The following KIAA2012 variants were observed in gnomAD, a reference collection of about 807,000 sequenced individuals.
KIAA2012 encodes uncharacterized protein KIAA2012.
KIAA2012 carries 125 observed loss-of-function variants against 150.6 expected under a neutral mutation model. The ratio of observed to expected loss-of-function variants is 0.83; its 90% CI spans 0.72 to 0.96. KIAA2012 has a LOEUF of 0.96. Ranked by LOEUF, KIAA2012 falls within the 40% of genes least tolerant of loss-of-function variation. The pLI, the probability that KIAA2012 is intolerant of heterozygous loss-of-function variation, is 0.00. For missense variants in KIAA2012, 1,219 were observed against 1,354.9 expected, an observed-to-expected ratio of 0.90 and a Z score of 1.57; for synonymous variants, 462 against 504.7, an observed-to-expected ratio of 0.92 and a Z score of 1.13.
chr2:202,164,528 G>A (rs1327229478), intron 14 of KIAA2012, among the ~76,000 whole-genome samples: 1 of 152,196 alleles, frequency 6.6e-6, no homozygotes, highest in Non-Finnish European at 1.5e-5. Context: ...GATCAAATGT[G>A]ATAAGAAACC....
At chr2:202,194,755 TTTTG>T (rs1431514103) in intron 21 of KIAA2012, among the ~76,000 whole-genome samples, 9 of 152,166 alleles carry the variant, frequency 5.9e-5, no homozygotes, top group Non-Finnish European at 1.2e-4. Flanking sequence ...ATTATTAGTT[TTTTG>T]TTTGTTTGTT....
chr2:202,109,288 C>T (rs1170564513), intron 9 of KIAA2012, among the ~76,000 whole-genome samples: 1 of 152,166 alleles, frequency 6.6e-6, no homozygotes, highest in Non-Finnish European at 1.5e-5. Context: ...AGAATAAAAA[C>T]CACCACCACT....
chr2:202,203,243 GAAAATTTTGTAATGC>G (rs886466149), intron 23 of KIAA2012, among the ~76,000 whole-genome samples: 8 of 152,208 alleles, frequency 5.3e-5, no homozygotes, highest in East Asian at 1.9e-4. Context: ...TTAGATAAAT[GAAAATTTTGTAATGC>G]AAAATTTTGT....
intron 22 of KIAA2012, chr2:202,201,599 G>A: frequency 6.2e-7 from 1 of 1,609,782 alleles, no homozygotes; most frequent in Non-Finnish European, 8.5e-7. Context: ...GTGGATAGAT[G>A]GGACCAACTG....
At chr2:202,136,292 A>T in intron 12 of KIAA2012, 1 of 159,704 alleles carries the variant, frequency 6.3e-6, no homozygotes, top group South Asian at 1.7e-4. Flanking sequence ...GTGAAGCTGC[A>T]GACCTTCGCG....
At chr2:202,175,189 T>C (rs1340441318) in intron 15 of KIAA2012, among the ~76,000 whole-genome samples, 1 of 152,214 alleles carries the variant, frequency 6.6e-6, no homozygotes, top group Non-Finnish European at 1.5e-5. Flanking sequence ...TGCGTCCTCA[T>C]AGTGTAGTTT....
chr2:202,084,542 GC>G (rs2105911439), intron 2 of KIAA2012, among the ~76,000 whole-genome samples: 1 of 152,332 alleles, frequency 6.6e-6, no homozygotes, highest in South Asian at 2.1e-4. Flanking sequence ...GAAACCCGAA[GC>G]TGGGATTGAT....
intron 14 of KIAA2012, among the ~76,000 whole-genome samples, chr2:202,163,462 C>T (rs905524581): frequency 6.6e-6 from 1 of 152,146 alleles, no homozygotes; most frequent in Non-Finnish European, 1.5e-5. Context: ...AAGCAACATA[C>T]AATTGAATTG....
Position 202,103,004 on chromosome 2 carries a change from C to T in KIAA2012, c.1214C>T (p.Pro405Leu), listed in dbSNP as rs1690087954. The change falls in exon 8 of 24, where the codon CCC becomes CTC. Residue 405 changes from proline to leucine, a missense_variant. Coordinates refer to ENST00000498697, the MANE Select transcript of KIAA2012 (RefSeq NM_001277372.4). Reference sequence around the variant, plus strand: ...GAAGAACCACCCAGAGTCTTGGAGCCCCTGAAGAGCCAATTTAAAGCCAAT... The same window carrying T: ...GAAGAACCACCCAGAGTCTTGGAGCTCCTGAAGAGCCAATTTAAAGCCAAT... ...ISEEPPRVLE[P>L]LKSQFKANEP... is the part of the protein sequence containing the mutation. The T allele has an allele frequency of 6.4e-7, 1 of 1,550,416 alleles. No individual in the cohort carries two copies. The highest frequency in any genetic ancestry group is 1.4e-5 in the African/African-American group (1 of 73,010).
chr2:202,180,269 CAAA>C (rs569117421), intron 15 of KIAA2012, among the ~76,000 whole-genome samples: 8 of 49,304 alleles, frequency 1.6e-4, no homozygotes, highest in Non-Finnish European at 2.2e-4. Flanking sequence ...GAAACTCCTC[CAAA>C]AAAAAAAAAA....
chr2:202,132,756 G>GTGTTTATATGTATATATGTATATATT (rs1690975646), intron 12 of KIAA2012, among the ~76,000 whole-genome samples: 1 of 87,784 alleles, frequency 1.1e-5, no homozygotes, highest in Non-Finnish European at 2.3e-5. Flanking sequence ...TAGTATATAT[G>GTGTTTATATGTATATATGTATATATT]TATATATATA....
At position 202,075,068 on chromosome 2, in the gene KIAA2012, A is replaced by G. The variant is rs6709148; in HGVS notation, c.262A>G (p.Arg88Gly). The G allele has an allele frequency of 6.0e-3, 9,326 of 1,550,498 alleles. 452 individuals are homozygous for G. The African/African-American group carries it at 0.11, about 18-fold the overall frequency. ...CATTTCGGCATGGACACCCAAAGAG[A>G]GGAGAAAAGGCCCCTACTGCCCCAG... ...FAISAWTPKE[R>G]RKGPYCPRGP... The change falls in exon 2 of 24, where the codon AGG (arginine) becomes GGG (glycine). Residue 88 changes from arginine to glycine, a missense_variant. Coordinates refer to ENST00000498697, the MANE Select transcript of KIAA2012 (RefSeq NM_001277372.4).
chr2:202,182,252 C>T (rs1453749321), intron 15 of KIAA2012, among the ~76,000 whole-genome samples: 1 of 151,528 alleles, frequency 6.6e-6, no homozygotes, highest in African/African-American at 2.4e-5. Context: ...GCTGGGATTA[C>T]AGGCTTGCAC....
intron 17 of KIAA2012, among the ~76,000 whole-genome samples, chr2:202,187,657 T>C (rs1692256826): frequency 6.6e-6 from 1 of 152,212 alleles, no homozygotes; most frequent in Non-Finnish European, 1.5e-5. Flanking sequence ...GACCCCACTC[T>C]GCCATCCTCT....
intron 10 of KIAA2012, 34 bp downstream of exon 10, chr2:202,109,823 C>G: frequency 1.3e-6 from 2 of 1,495,394 alleles, no homozygotes; most frequent in Non-Finnish European, 1.8e-6. Context: ...ACGCCCCCCA[C>G]TGGCTTGAAT....
In KIAA2012 at chr2:202,090,918, T is replaced by C; in HGVS notation, c.518T>C (p.Leu173Pro). 1 of 1,548,922 alleles carries C rather than the reference T, an allele frequency of 6.5e-7. No individual in the cohort carries two copies. The highest frequency in any genetic ancestry group is 8.7e-7 in the Non-Finnish European group (1 of 1,145,810). ...RTWPPDAMYR[L>P]WCAGYIKDSV... ...TGGCCCCCAGACGCCATGTATAGGC[T>C]CTGGTGCGCAGGTCAGTGGGGAAAT... Residue 173 changes from leucine (L) to proline (P), a missense_variant, in exon 3 of 24, where the codon CTC becomes CCC. Physicochemically the swap from Leu to Pro is moderately conservative, Grantham distance 98. Transcript: ENST00000498697.
At chr2:202,123,401 G>T (rs1346344109) in intron 11 of KIAA2012, among the ~76,000 whole-genome samples, 2 of 152,100 alleles carry the variant, frequency 1.3e-5, no homozygotes, top group Non-Finnish European at 2.9e-5. Flanking sequence ...ATTAATGTTT[G>T]TTCTCATTTC....
chr2:202,175,875 A>T (rs769350978), intron 15 of KIAA2012, among the ~76,000 whole-genome samples: 7 of 152,256 alleles, frequency 4.6e-5, no homozygotes, highest in Non-Finnish European at 1.0e-4. Flanking sequence ...ACTGTGTGCT[A>T]TTGGCTTAGA....
At chr2:202,128,768 C>T (rs567487583) in intron 12 of KIAA2012, among the ~76,000 whole-genome samples, 196 of 151,322 alleles carry the variant, frequency 1.3e-3, no homozygotes, top group African/African-American at 4.6e-3. Flanking sequence ...TGCAGAACAG[C>T]CTCCACAGGA....
Sources: allele counts gnomAD v4.1 joint callset (sites outside exome capture counted in the v4.1 genomes callset), GRCh38; gene constraint gnomAD v4.1.1; transcripts MANE v1.5; gene names NCBI Gene and HGNC (gene_info 2026-07-23, HGNC 2026-07-21).